Variants in SIK3 observed in about 807,000 individuals in gnomAD.
SIK3 encodes serine/threonine-protein kinase SIK3.
In SIK3, 28 loss-of-function variants were observed where a neutral mutation model predicts 144.2. That is an observed-to-expected ratio of 0.19 (90% confidence interval 0.14 to 0.27). The LOEUF (loss-of-function observed/expected upper bound fraction) is 0.27, where lower values mean the gene tolerates loss of function less well. Among genes scored for constraint, SIK3 ranks in the 10% least tolerant of loss-of-function variants. The pLI is 1.00. For missense variants in SIK3, 1,319 were observed against 1,776.0 expected, an observed-to-expected ratio of 0.74 and a Z score of 4.62; for synonymous variants, 686 against 676.3, an observed-to-expected ratio of 1.01 and a Z score of -0.22.
At chr11:116,961,469 C>T (rs544541653) in intron 1 of SIK3, among the ~76,000 whole-genome samples, 26 of 152,216 alleles carry the variant, frequency 1.7e-4, no homozygotes, top group African/African-American at 5.8e-4. Flanking sequence ...TTACTGAAGA[C>T]TATATAATAA....
intron 1 of SIK3, among the ~76,000 whole-genome samples, chr11:116,973,467 G>C (rs1949835537): frequency 6.6e-6 from 1 of 152,136 alleles, no homozygotes; most frequent in Non-Finnish European, 1.5e-5. Flanking sequence ...TGTAAACATA[G>C]GTAAGCTCTC....
At chr11:116,876,705 G>T (rs1944277366) in intron 7 of SIK3, among the ~76,000 whole-genome samples, 1 of 152,216 alleles carries the variant, frequency 6.6e-6, no homozygotes, top group Non-Finnish European at 1.5e-5. Context: ...AAAAACAGAC[G>T]ATAATTTGGG....
intron 3 of SIK3, among the ~76,000 whole-genome samples, chr11:116,946,668 T>C (rs555524473): frequency 3.2e-4 from 49 of 152,178 alleles, no homozygotes; most frequent in Non-Finnish European, 5.1e-4. Context: ...TGAAGAAATG[T>C]GAGATATCCG....
At chr11:116,948,431 C>T (rs960003781) in intron 3 of SIK3, among the ~76,000 whole-genome samples, 1 of 152,056 alleles carries the variant, frequency 6.6e-6, no homozygotes, top group African/African-American at 2.4e-5. Flanking sequence ...GCTCATGCTA[C>T]CACATCCGGC....
chr11:117,056,562 T>C (rs1953539216), intron 1 of SIK3, among the ~76,000 whole-genome samples: 1 of 114,294 alleles, frequency 8.7e-6, no homozygotes, highest in Non-Finnish European at 1.7e-5. Context: ...GATATAGATA[T>C]AGATATAGAT....
chr11:116,858,817 G>A lies in SIK3; in HGVS notation c.2766-118C>T. 1 of 1,421,456 alleles carries A rather than the reference G, an allele frequency of 7.0e-7. No homozygotes were observed. The highest frequency in any genetic ancestry group is 2.6e-5 in the Admixed American group (1 of 37,748). 88.1% of individuals were successfully genotyped at this position (1,421,456 alleles called of 1,614,324 possible). On this transcript the variant is annotated intron_variant, in intron 20 of 24. Transcript: ENST00000445177. This position sits in a 1 kb window ranked among gnomAD's most constrained non-coding sequence, Gnocchi z 5.4. The stretch of plus-strand genomic sequence containing the variant: ...GTACAGAGAACTGTGGTGTGACAGA[G>A]AAGTGGCAGATGTATGCATTGTCCC...
chr11:116,874,383 T>C (rs1591437385), intron 11 of SIK3, among the ~76,000 whole-genome samples: 1 of 152,206 alleles, frequency 6.6e-6, no homozygotes. Context: ...CTGGAGAACA[T>C]GGGCCATCCA....
At chr11:116,910,720 TG>T in intron 4 of SIK3, among the ~76,000 whole-genome samples, 1 of 151,998 alleles carries the variant, frequency 6.6e-6, no homozygotes, top group African/African-American at 2.4e-5. Context: ...TTAGTTCACA[TG>T]GCTCAAGATG....
chr11:117,038,360 T>TTTC (rs1952600608), intron 1 of SIK3, among the ~76,000 whole-genome samples: 2 of 89,570 alleles, frequency 2.2e-5, no homozygotes, highest in African/African-American at 6.3e-5. Context: ...TACAAGATAC[T>TTTC]TTTTTTTTTT....
chr11:117,021,853 A>G (rs1223660888), intron 1 of SIK3, among the ~76,000 whole-genome samples: 1 of 135,688 alleles, frequency 7.4e-6, no homozygotes, highest in East Asian at 2.5e-4. Context: ...ACACTTTGGG[A>G]GGCCGAGGCA....
chr11:116,952,394 C>T (rs1269153221), intron 3 of SIK3, among the ~76,000 whole-genome samples: 2 of 152,156 alleles, frequency 1.3e-5, no homozygotes, highest in African/African-American at 2.4e-5. Flanking sequence ...AGAGCAATAC[C>T]TTGTCCAAAG....
chr11:116,935,662 A>G (rs1947877147), intron 3 of SIK3, among the ~76,000 whole-genome samples: 1 of 152,226 alleles, frequency 6.6e-6, no homozygotes. Context: ...TATTAGCAAT[A>G]CTTGGTTTGC....
intron 3 of SIK3, among the ~76,000 whole-genome samples, chr11:116,950,930 G>A (rs1008014680): frequency 6.6e-6 from 1 of 152,144 alleles, no homozygotes; most frequent in African/African-American, 2.4e-5. Flanking sequence ...TTAAATGACT[G>A]GGTTTTGTTT....
At chr11:116,907,751 C>T (rs1236579979) in intron 4 of SIK3, among the ~76,000 whole-genome samples, 1 of 152,122 alleles carries the variant, frequency 6.6e-6, no homozygotes, top group East Asian at 1.9e-4. Context: ...TTCCCAAAGA[C>T]ACATAATGCT....
chr11:116,987,321 TAAA>T (rs35342917), intron 1 of SIK3, among the ~76,000 whole-genome samples: 76 of 137,280 alleles, frequency 5.5e-4, no homozygotes, highest in African/African-American at 1.7e-3. Flanking sequence ...CATAAAAGAT[TAAA>T]AAAAAAAAAA....
chr11:116,966,455 C>T (rs900913511), intron 1 of SIK3, among the ~76,000 whole-genome samples: 2 of 151,988 alleles, frequency 1.3e-5, no homozygotes, highest in African/African-American at 2.4e-5. Flanking sequence ...TTATCCAAAA[C>T]GTTATGTTTC....
At chr11:117,001,195 C>T (rs575538846) in intron 1 of SIK3, among the ~76,000 whole-genome samples, 48 of 152,306 alleles carry the variant, frequency 3.2e-4, no homozygotes, top group African/African-American at 1.2e-3. Context: ...ATTTCTAGGT[C>T]ATCTTTCAAT....
intron 1 of SIK3, among the ~76,000 whole-genome samples, chr11:117,087,602 C>G (rs1392659708): frequency 1.3e-5 from 2 of 152,120 alleles, no homozygotes; most frequent in Admixed American, 6.6e-5. Context: ...CCCTACACCC[C>G]CAAGCCAACA....
intron 3 of SIK3, among the ~76,000 whole-genome samples, chr11:116,937,576 A>G (rs767378872): frequency 3.9e-5 from 6 of 152,176 alleles, no homozygotes; most frequent in Non-Finnish European, 5.9e-5. Context: ...AAGAACCACA[A>G]GTCTCCTTAT....
Sources: allele counts gnomAD v4.1 joint callset (sites outside exome capture counted in the v4.1 genomes callset), GRCh38; gene constraint gnomAD v4.1.1; non-coding constraint Gnocchi (gnomAD v3.1); transcripts MANE v1.5; gene names NCBI Gene and HGNC (gene_info 2026-07-23, HGNC 2026-07-21).